Variants in DENND1B observed in about 807,000 individuals in gnomAD.
DENND1B encodes the protein DENN domain-containing protein 1B.
Under a neutral mutation model 90.1 loss-of-function variants are expected in DENND1B, and 59 were observed. That is an observed-to-expected ratio of 0.65 (90% CI 0.53 to 0.81). DENND1B has a LOEUF of 0.81. Among genes scored for constraint, DENND1B ranks in the 40% least tolerant of loss-of-function variants. The pLI, the probability that DENND1B is intolerant of heterozygous loss-of-function variation, is 0.00. For missense variants in DENND1B, 862 were observed against 912.6 expected (o/e 0.94, Z 0.71); for synonymous variants, 337 against 324.6 (o/e 1.04, Z -0.41).
At chr1:197,649,669 TAGG>T (rs1193641001) in intron 7 of DENND1B, among the ~76,000 whole-genome samples, 1 of 152,130 alleles carries the variant, frequency 6.6e-6, no homozygotes, top group Non-Finnish European at 1.5e-5. Flanking sequence ...TAGCCACATG[TAGG>T]AGAATGAAAC....
intron 3 of DENND1B, among the ~76,000 whole-genome samples, chr1:197,681,659 T>A (rs547557858): frequency 2.6e-5 from 4 of 152,190 alleles, no homozygotes; most frequent in Non-Finnish European, 5.9e-5. Flanking sequence ...CCTTTTTCTA[T>A]CATTGCCTTG....
At chr1:197,582,087 T>C (rs757523351) in intron 15 of DENND1B, among the ~76,000 whole-genome samples, 6 of 152,162 alleles carry the variant, frequency 3.9e-5, no homozygotes, top group Non-Finnish European at 8.8e-5. Context: ...TCTCTGATCC[T>C]GAAATCCATG....
intron 12 of DENND1B, among the ~76,000 whole-genome samples, chr1:197,609,750 A>G (rs1290183769): frequency 6.6e-6 from 1 of 150,528 alleles, no homozygotes; most frequent in Admixed American, 6.6e-5. Context: ...CCAACCTAAT[A>G]ACACAATAAA....
At chr1:197,663,501 T>C (rs866719627) in intron 5 of DENND1B, among the ~76,000 whole-genome samples, 1 of 152,126 alleles carries the variant, frequency 6.6e-6, no homozygotes, top group African/African-American at 2.4e-5. Flanking sequence ...GCTGCTTCTA[T>C]CCTAAGGGCA....
intron 2 of DENND1B, among the ~76,000 whole-genome samples, chr1:197,746,223 T>C (rs868511138): frequency 2.3e-4 from 35 of 152,084 alleles, no homozygotes; most frequent in African/African-American, 8.5e-4. Flanking sequence ...AAAACCCGTC[T>C]CTACTAAAAA....
At chr1:197,739,368 G>A (rs931018487) in intron 2 of DENND1B, among the ~76,000 whole-genome samples, 9 of 152,164 alleles carry the variant, frequency 5.9e-5, no homozygotes, top group Middle Eastern at 3.2e-3. Context: ...GGACATATAC[G>A]AGAAGAAATC....
intron 15 of DENND1B, among the ~76,000 whole-genome samples, chr1:197,579,477 G>A (rs1203253225): frequency 2.0e-5 from 3 of 152,052 alleles, no homozygotes; most frequent in African/African-American, 2.4e-5. Flanking sequence ...AGCTTTGGAT[G>A]TATGAATATA....
chr1:197,567,341 G>A (rs1431139307), intron 15 of DENND1B, among the ~76,000 whole-genome samples: 3 of 151,984 alleles, frequency 2.0e-5, no homozygotes, highest in Non-Finnish European at 4.4e-5. Context: ...TGAACAAGGA[G>A]ACTGAATCAG....
intron 3 of DENND1B, among the ~76,000 whole-genome samples, chr1:197,713,791 T>TA (rs1558432679): frequency 0.058 from 1,082 of 18,716 alleles, 55 homozygotes; most frequent in African/African-American, 0.18. Flanking sequence ...TATATTATAA[T>TA]ATTATTATAT....
At chr1:197,703,449 T>A (rs1046447737) in intron 3 of DENND1B, among the ~76,000 whole-genome samples, 2 of 152,290 alleles carry the variant, frequency 1.3e-5, no homozygotes, top group East Asian at 3.9e-4. Context: ...ACTTGAAACA[T>A]TTTTTAAGAG....
chr1:197,688,350 C>T (rs1238315652), intron 3 of DENND1B, among the ~76,000 whole-genome samples: 1 of 151,942 alleles, frequency 6.6e-6, no homozygotes, highest in South Asian at 2.1e-4. Context: ...CACAAAGGAC[C>T]CCAAATAGCT....
intron 14 of DENND1B, among the ~76,000 whole-genome samples, chr1:197,584,714 C>G (rs1210587416): frequency 6.6e-6 from 1 of 152,042 alleles, no homozygotes; most frequent in Non-Finnish European, 1.5e-5. Context: ...TTCTGCCATG[C>G]AGGTAGGATT....
At position 197,674,188 on chromosome 1, in the gene DENND1B, A is replaced by C. The variant is rs754311594; in HGVS notation, c.127-19T>G. 1 of 1,553,436 alleles carries C rather than the reference A, an allele frequency of 6.4e-7. No homozygotes were observed. Among genetic ancestry groups the C allele is most frequent in the Non-Finnish European group, 8.7e-7 (1 of 1,144,700 alleles). ...GTATTTCCTACAAATGGAAATTTCA[A>C]AAAAAAGAAATAAGTTTTAGAATAT... On this transcript the variant is annotated intron_variant, in intron 3 of 22. Coordinates refer to ENST00000620048, the MANE Select transcript of DENND1B (RefSeq NM_001195215.2).
chr1:197,529,203 GATATATATATATAT>G (rs71131771), intron 20 of DENND1B, among the ~76,000 whole-genome samples: 50,957 of 117,450 alleles, frequency 0.43, 11,562 homozygotes, highest in South Asian at 0.52. Flanking sequence ...AGTTAAGAGT[GATATATATATATAT>G]ATATATATAT....
chr1:197,583,344 G>C (rs1674410198), intron 14 of DENND1B, 91 bp from the exon 15 acceptor site: 1 of 1,190,988 alleles, frequency 8.4e-7, no homozygotes, highest in African/African-American at 1.5e-5. Context: ...AGTGATAGAG[G>C]AAGCGTAAGG....
At chr1:197,781,570 A>G in the DENND1B span, among the ~76,000 whole-genome samples, 1 of 152,186 alleles carries the variant, frequency 6.6e-6, no homozygotes, top group East Asian at 1.9e-4. Flanking sequence ...CATGAATTTC[A>G]ATCTGAAGGT....
At chr1:197,667,532 C>T (rs1465865461) in intron 5 of DENND1B, among the ~76,000 whole-genome samples, 2 of 152,168 alleles carry the variant, frequency 1.3e-5, no homozygotes, top group African/African-American at 4.8e-5. Flanking sequence ...TGGGTTCAAG[C>T]GATTCTCCTG....
intron 4 of DENND1B, among the ~76,000 whole-genome samples, 185 bp from the exon 5 acceptor site, chr1:197,672,341 G>A (rs1364914979): frequency 6.6e-6 from 1 of 151,946 alleles, no homozygotes; most frequent in Non-Finnish European, 1.5e-5. Context: ...ACCAAAATAA[G>A]TTGTAATACC....
chr1:197,779,143 T>C (rs1452257807), upstream of DENND1B, among the ~76,000 whole-genome samples: 1 of 152,238 alleles, frequency 6.6e-6, no homozygotes, highest in Admixed American at 6.5e-5. Flanking sequence ...CCCTTTTTGT[T>C]TGAGTTGGAA....
Sources: allele counts gnomAD v4.1 joint callset (sites outside exome capture counted in the v4.1 genomes callset), GRCh38; gene constraint gnomAD v4.1.1; transcripts MANE v1.5; gene names NCBI Gene and HGNC (gene_info 2026-07-23, HGNC 2026-07-21).